Variants in SCN10A observed in about 807,000 individuals in gnomAD.
SCN10A encodes sodium channel protein type 10 subunit alpha.
In SCN10A, 162 loss-of-function variants were observed where a neutral mutation model predicts 170.7. That is an observed-to-expected ratio of 0.95 (90% CI 0.84 to 1.08). The LOEUF is 1.08. Among genes scored for constraint, SCN10A ranks in the 50% least tolerant of loss-of-function variants. The pLI, the probability that SCN10A is intolerant of heterozygous loss-of-function variation, is 0.00. For synonymous variants in SCN10A, 985 were observed against 904.6 expected, an observed-to-expected ratio of 1.09 and a Z score of -1.59; for missense variants, 2,527 against 2,436.9, an observed-to-expected ratio of 1.04 and a Z score of -0.78.
At chr3:38,726,450 C>T (rs2126000954) in intron 17 of SCN10A, among the ~76,000 whole-genome samples, 156 bp downstream of exon 17, 1 of 152,304 alleles carries the variant, frequency 6.6e-6, no homozygotes, top group East Asian at 1.9e-4. Flanking sequence ...CTTTTTCTTC[C>T]AGGCCCTGCT....
At chr3:38,727,106 A>G (rs2063466456) in intron 16 of SCN10A, 54 bp from the exon 17 acceptor site, 12 of 1,529,868 alleles carry the variant, frequency 7.8e-6, no homozygotes, top group Non-Finnish European at 1.1e-5. Context: ...TGAGCCCCAC[A>G]TTGGCCTACC....
chr3:38,795,617 T>C (rs980245681), intron 1 of SCN10A, among the ~76,000 whole-genome samples: 3 of 152,168 alleles, frequency 2.0e-5, no homozygotes, highest in Non-Finnish European at 4.4e-5. Flanking sequence ...CTTAAAATAC[T>C]GTATATTTTG....
intron 8 of SCN10A, 62 bp from the exon 9 acceptor site, chr3:38,757,221 G>A (rs901246728): frequency 8.7e-6 from 13 of 1,490,614 alleles, no homozygotes; most frequent in East Asian, 6.8e-5. Context: ...CCAGGGCTGC[G>A]AGACAACCAC....
intron 5 of SCN10A, among the ~76,000 whole-genome samples, chr3:38,767,673 A>G (rs907387556): frequency 3.9e-5 from 6 of 152,098 alleles, no homozygotes; most frequent in Non-Finnish European, 8.8e-5. Flanking sequence ...GGTCTATCTT[A>G]GAGAATATTC....
chr3:38,775,001 C>G (rs1421899991), intron 4 of SCN10A, among the ~76,000 whole-genome samples: 1 of 152,132 alleles, frequency 6.6e-6, no homozygotes, highest in Non-Finnish European at 1.5e-5. Flanking sequence ...ATAGTGATAC[C>G]TTTCCTTGCT....
intron 13 of SCN10A, among the ~76,000 whole-genome samples, chr3:38,746,573 G>A (rs1056349122): frequency 9.9e-5 from 15 of 152,072 alleles, no homozygotes; most frequent in African/African-American, 3.6e-4. Flanking sequence ...TTAGCATGAA[G>A]TCCCATATCC....
rs1559405463 is a variant in SCN10A, at chr3:38,697,547, A to C, written c.5673T>G (p.Asp1891Glu). 6.2e-7 allele frequency: 1 copy of C among 1,614,196 alleles called. No individual in the cohort carries two copies. The highest frequency in any genetic ancestry group is 1.1e-5 in the South Asian group (1 of 91,080). ...TTGCTGTGAATGCAACAAAACCTTC[A>C]TCTGGGAGTGATGCAGCCTCCTCCT... ...RAEEEAASLP[D>E]EGFVAFTANE... is the part of the protein sequence containing the mutation. Residue 1891 changes from aspartate (D) to glutamate (E), a missense_variant, in exon 28 of 28, where the codon GAT becomes GAG. Asp to Glu is a conservative substitution (Grantham distance 45, BLOSUM62 2). Transcript: ENST00000449082.
intron 4 of SCN10A, among the ~76,000 whole-genome samples, chr3:38,776,434 G>A (rs1260413959): frequency 1.3e-5 from 2 of 151,982 alleles, no homozygotes; most frequent in African/African-American, 4.8e-5. Context: ...CAGTAATAAT[G>A]GCAAATGCAA....
intron 19 of SCN10A, 40 bp downstream of exon 19, chr3:38,723,390 A>T (rs757884371): frequency 6.2e-7 from 1 of 1,613,122 alleles, no homozygotes; most frequent in Non-Finnish European, 8.5e-7. Flanking sequence ...TCTGGCCCTA[A>T]TTAACATCAG....
In SCN10A at chr3:38,763,611, G is replaced by A. The variant is rs759332513; in HGVS notation, c.600-15C>T. On this transcript the variant is annotated splice_polypyrimidine_tract_variant and intron_variant, in intron 5 of 27. Transcript: ENST00000449082. Reference sequence around the variant, plus strand: ...TGCCAACATATCTGTAGGACCAGAAGTTAGTCAGCATCTCTGCAAGCAAGG... The same window carrying A: ...TGCCAACATATCTGTAGGACCAGAAATTAGTCAGCATCTCTGCAAGCAAGG... The A allele has an allele frequency of 6.2e-7, 1 of 1,601,352 alleles. No individual in the cohort carries two copies. The highest frequency in any genetic ancestry group is 2.2e-5 in the East Asian group (1 of 44,806).
chr3:38,711,418 A>C (rs985527807), intron 23 of SCN10A, among the ~76,000 whole-genome samples: 15 of 152,222 alleles, frequency 9.9e-5, no homozygotes, highest in African/African-American at 3.6e-4. Flanking sequence ...CTTAGTTCTT[A>C]CACTCCTAGG....
At chr3:38,752,161 G>A in intron 12 of SCN10A, 58 bp downstream of exon 12, 1 of 1,424,700 alleles carries the variant, frequency 7.0e-7, no homozygotes. Flanking sequence ...AGGCTTCTTG[G>A]CTCAAGGCTT....
chr3:38,725,893 A>G (rs2063448942), intron 17 of SCN10A, among the ~76,000 whole-genome samples: 3 of 152,214 alleles, frequency 2.0e-5, no homozygotes. Context: ...TGACGACTGC[A>G]GGGAAGAAGG....
intron 5 of SCN10A, among the ~76,000 whole-genome samples, chr3:38,769,022 C>T (rs2063967222): frequency 6.6e-6 from 1 of 152,032 alleles, no homozygotes; most frequent in South Asian, 2.1e-4. Flanking sequence ...GAAGTTCTTT[C>T]TTCTACTTGT....
intron 26 of SCN10A, among the ~76,000 whole-genome samples, chr3:38,703,004 C>T (rs1261163955): frequency 6.6e-6 from 1 of 152,170 alleles, no homozygotes; most frequent in Admixed American, 6.5e-5. Context: ...AGCTCACCTG[C>T]CTTGATCTGC....
At position 38,756,999 on chromosome 3, in the gene SCN10A, G is replaced by A; in HGVS notation, c.1092+19C>T. 6.2e-7 allele frequency: 1 copy of A among 1,604,816 alleles called. No homozygotes were observed. Among genetic ancestry groups the A allele is most frequent in the South Asian group, 1.1e-5 (1 of 89,266 alleles). On this transcript the variant is annotated intron_variant, in intron 9 of 27. Coordinates refer to ENST00000449082, the MANE Select transcript of SCN10A (RefSeq NM_006514.4). ...ACCAGCCTCCAACCAAGTCTGCGTG[G>A]GGGAATGCAGCTCAGTACCTGCTGG...
At chr3:38,757,311 T>G in intron 8 of SCN10A, 152 bp from the exon 9 acceptor site, 2 of 725,966 alleles carry the variant, frequency 2.8e-6, no homozygotes, top group Non-Finnish European at 4.3e-6. Flanking sequence ...TTGGTCTGTT[T>G]AGGTATTGGT....
intron 8 of SCN10A, among the ~76,000 whole-genome samples, chr3:38,757,916 A>T (rs1409558125): frequency 2.0e-5 from 3 of 152,210 alleles, no homozygotes; most frequent in Non-Finnish European, 4.4e-5. Context: ...GATGTCAAGA[A>T]GCATCTGTCA....
At chr3:38,803,291 C>T (rs1049237874) in intron 1 of SCN10A, among the ~76,000 whole-genome samples, 1 of 152,096 alleles carries the variant, frequency 6.6e-6, no homozygotes. Flanking sequence ...CCAGGCATCC[C>T]ATTACTGGGT....
Sources: allele counts gnomAD v4.1 joint callset (sites outside exome capture counted in the v4.1 genomes callset), GRCh38; gene constraint gnomAD v4.1.1; transcripts MANE v1.5; gene names NCBI Gene and HGNC (gene_info 2026-07-23, HGNC 2026-07-21).